The following RSBN1 variants were observed in gnomAD, a reference collection of about 807,000 sequenced individuals.
RSBN1 encodes the protein round spermatid basic protein 1.
In RSBN1, 23 loss-of-function variants were observed where a neutral mutation model predicts 74.8. That is an observed-to-expected ratio of 0.31 (90% confidence interval 0.22 to 0.44). The LOEUF is 0.44. RSBN1 is among the 20% of genes least tolerant of loss of function. The pLI is 1.00. For missense variants in RSBN1, 808 were observed against 1,020.9 expected (o/e 0.79, Z 2.84); for synonymous variants, 407 against 379.6 (o/e 1.07, Z -0.84).
At chr1:113,784,073 G>T (rs545852625) in intron 2 of RSBN1, among the ~76,000 whole-genome samples, 5 of 152,260 alleles carry the variant, frequency 3.3e-5, no homozygotes, top group African/African-American at 9.6e-5. Flanking sequence ...TTAGGGACTT[G>T]CAAACCATAC....
intron 5 of RSBN1, among the ~76,000 whole-genome samples, chr1:113,767,690 T>C (rs1237649604): frequency 6.6e-6 from 1 of 152,132 alleles, no homozygotes; most frequent in Non-Finnish European, 1.5e-5. Context: ...ACACCAGCAT[T>C]ATTCACAAAA....
chr1:113,775,223 C>A (rs1249654566), intron 4 of RSBN1, among the ~76,000 whole-genome samples: 1 of 151,928 alleles, frequency 6.6e-6, no homozygotes, highest in Non-Finnish European at 1.5e-5. Context: ...TGGGGTTTCA[C>A]CATGTTGACC....
At chr1:113,783,088 A>G (rs1193920238) in intron 2 of RSBN1, among the ~76,000 whole-genome samples, 1 of 152,188 alleles carries the variant, frequency 6.6e-6, no homozygotes. Flanking sequence ...CCAACCCCCA[A>G]TTTAAACCAC....
At chr1:113,810,364 C>T (rs993998911) in intron 1 of RSBN1, among the ~76,000 whole-genome samples, 3 of 151,544 alleles carry the variant, frequency 2.0e-5, no homozygotes, top group South Asian at 2.1e-4. Flanking sequence ...CACTAATTCC[C>T]TCTAGTTCTG....
In RSBN1 at chr1:113,811,899, T is replaced by G; in HGVS notation, c.514A>C (p.Thr172Pro). 3 of 1,611,136 alleles carry G rather than the reference T, an allele frequency of 1.9e-6. No homozygotes were observed. The highest frequency in any genetic ancestry group is 2.5e-6 in the Non-Finnish European group (3 of 1,178,958). ...GCGCTCACCGTCAGAGGCGAGAAGG[T>G]GAAGAGGGCCGAGGTGCTTGGGGCC... Reference protein sequence around the residue: ...LPAPSTSALFTFSPLTVSAAG... With the variant: ...LPAPSTSALFPFSPLTVSAAG... Residue 172 changes from threonine to proline, a missense_variant, in exon 1 of 7, where the codon ACC becomes CCC. Around this residue, in one of 6 missense-constraint regions of RSBN1, gnomAD observed 464 missense variants for 401.0 expected, o/e 1.16. Coordinates refer to ENST00000261441, the MANE Select transcript of RSBN1 (RefSeq NM_018364.5).
chr1:113,789,353 C>T (rs544662711), intron 2 of RSBN1, among the ~76,000 whole-genome samples: 1 of 152,284 alleles, frequency 6.6e-6, no homozygotes, highest in Admixed American at 6.5e-5. Flanking sequence ...GGGTGGCATA[C>T]CCCAACTCTA....
intron 2 of RSBN1, among the ~76,000 whole-genome samples, chr1:113,792,672 A>G (rs576333670): frequency 6.6e-6 from 1 of 152,324 alleles, no homozygotes; most frequent in Non-Finnish European, 1.5e-5. Flanking sequence ...AAGTTTATGT[A>G]CTGGGGTACA....
intron 1 of RSBN1, among the ~76,000 whole-genome samples, chr1:113,811,171 G>T (rs1269287103): frequency 6.6e-6 from 1 of 152,134 alleles, no homozygotes; most frequent in African/African-American, 2.4e-5. Flanking sequence ...ACTTTAAAAT[G>T]ATTTTTACCT....
At position 113,812,192 on chromosome 1, in the gene RSBN1, T is replaced by C; in HGVS notation, c.221A>G (p.Glu74Gly). The change falls in exon 1 of 7, where the codon GAG (glutamate) becomes GGG (glycine). Residue 74 changes from glutamate to glycine, a missense_variant. Physicochemically the swap from Glu to Gly is moderately conservative, Grantham distance 98 (BLOSUM62 -2). This residue lies in a region of RSBN1 where 464 missense variants were observed against 401.0 expected (regional missense o/e 1.16). Transcript: ENST00000261441. ...AQEEPDKEGK[E>G]KPHAGVSPRG... ...CGGGGAGACCCCAGCATGAGGTTTC[T>C]CCTTCCCCTCTTTGTCCGGCTCCTC... 1 of 1,608,430 alleles carries C rather than the reference T, an allele frequency of 6.2e-7. No individual in the cohort carries two copies. Among genetic ancestry groups the C allele is most frequent in the Non-Finnish European group, 8.5e-7 (1 of 1,179,836 alleles).
Position 113,812,427 on chromosome 1 carries a change from T to C in RSBN1, c.-15A>G. 6.3e-7 allele frequency: 1 copy of C among 1,575,062 alleles called. No individual in the cohort carries two copies. The stretch of plus-strand genomic sequence containing the variant: ...GAGATGAACATGCCGGAAGCGGCCG[T>C]TCCCAGCTTTTCTCCGCAGGCCTCT... On this transcript the variant is annotated 5_prime_UTR_variant, in exon 1 of 7. Coordinates refer to ENST00000261441, the MANE Select transcript of RSBN1 (RefSeq NM_018364.5).
At chr1:113,805,939 T>C (rs942479021) in intron 1 of RSBN1, among the ~76,000 whole-genome samples, 2 of 152,160 alleles carry the variant, frequency 1.3e-5, no homozygotes, top group Non-Finnish European at 2.9e-5. Flanking sequence ...CCATAGACAA[T>C]ATATATGAAT....
At position 113,812,133 on chromosome 1, in the gene RSBN1, C is replaced by G. The variant is rs1283945077; in HGVS notation, c.280G>C (p.Gly94Arg). Residue 94 changes from glycine (G) to arginine (R), a missense_variant, in exon 1 of 7, where the codon GGG becomes CGG. Physicochemically the swap from Gly to Arg is moderately radical, Grantham distance 125. Coordinates refer to ENST00000261441, the MANE Select transcript of RSBN1 (RefSeq NM_018364.5). ...CGCCCCCGCTTCTCCTGAGACCCCC[C>G]ACTGCTAGATCGGCGCTGCCGTTTA... is the stretch of plus-strand genomic sequence containing the variant. ...GVKRQRRSSS[G>R]GSQEKRGRPS... 6.2e-7 allele frequency: 1 copy of G among 1,609,342 alleles called. No homozygotes were observed. Among genetic ancestry groups the G allele is most frequent in the Non-Finnish European group, 8.5e-7 (1 of 1,179,490 alleles).
intron 2 of RSBN1, among the ~76,000 whole-genome samples, chr1:113,787,643 A>G (rs572744531): frequency 3.9e-5 from 6 of 152,330 alleles, no homozygotes; most frequent in African/African-American, 1.2e-4. Flanking sequence ...GGAAGCAGGG[A>G]ATTAAGCAAA....
intron 4 of RSBN1, among the ~76,000 whole-genome samples, chr1:113,770,999 G>C (rs116713367): frequency 2.6e-4 from 39 of 152,016 alleles, no homozygotes; most frequent in African/African-American, 8.9e-4. Flanking sequence ...AAGGAAAGGA[G>C]ACATGAATCT....
intron 2 of RSBN1, 118 bp from the exon 3 acceptor site, chr1:113,777,926 G>A: frequency 1.1e-6 from 1 of 915,566 alleles, no homozygotes; most frequent in Non-Finnish European, 1.5e-6. Context: ...AGAACTGAAT[G>A]GTCAATACCT....
At chr1:113,789,628 G>C (rs887600195) in intron 2 of RSBN1, among the ~76,000 whole-genome samples, 6 of 152,150 alleles carry the variant, frequency 3.9e-5, no homozygotes, top group African/African-American at 9.7e-5. Flanking sequence ...CCTGGGGACT[G>C]AGCCCTCTAT....
intron 1 of RSBN1, among the ~76,000 whole-genome samples, chr1:113,798,333 A>G (rs942573660): frequency 6.6e-6 from 1 of 152,232 alleles, no homozygotes; most frequent in Non-Finnish European, 1.5e-5. Context: ...AAATCATGAT[A>G]TAGCAATGGT....
intron 4 of RSBN1, among the ~76,000 whole-genome samples, chr1:113,772,604 A>G (rs1460283942): frequency 6.6e-6 from 1 of 152,202 alleles, no homozygotes; most frequent in Non-Finnish European, 1.5e-5. Context: ...CTTCAGTAGC[A>G]GTGTCCTTGG....
chr1:113,812,380 CT>C lies in RSBN1; in HGVS notation c.32del (p.Lys11SerfsTer48). MFISGRRTAD[K>X]WRAEERLQCP... ...ATTGGAGTCTCTCCTCCGCCCTCCACTTGTCGGCCGTTCTTCGTCCAGAGAT... is the reference window on the plus strand; with the variant it reads ...ATTGGAGTCTCTCCTCCGCCCTCCACTGTCGGCCGTTCTTCGTCCAGAGAT... On this transcript the variant is annotated frameshift_variant, in exon 1 of 7. Coordinates refer to ENST00000261441, the MANE Select transcript of RSBN1 (RefSeq NM_018364.5). LOFTEE classifies it high-confidence loss of function. 1.9e-6 allele frequency: 3 copies of C among 1,602,100 alleles called. No homozygotes were observed. The highest frequency in any genetic ancestry group is 2.5e-6 in the Non-Finnish European group (3 of 1,179,064).
Sources: allele counts gnomAD v4.1 joint callset (sites outside exome capture counted in the v4.1 genomes callset), GRCh38; gene constraint gnomAD v4.1.1; regional missense constraint gnomAD v4.1.1; transcripts MANE v1.5; gene names NCBI Gene and HGNC (gene_info 2026-07-23, HGNC 2026-07-21).